The following GPLD1 variants were observed in gnomAD, a reference collection of about 807,000 sequenced individuals.
GPLD1 encodes phosphatidylinositol-glycan-specific phospholipase D.
GPLD1 carries 84 observed loss-of-function variants against 112.6 expected under a neutral mutation model. The ratio of observed to expected loss-of-function variants is 0.75; its 90% CI spans 0.63 to 0.89. The LOEUF is 0.89. Among genes scored for constraint, GPLD1 ranks in the 40% least tolerant of loss-of-function variants. The probability of loss-of-function intolerance (pLI) is 0.00; values close to 1 mark genes in which losing one functional copy is unlikely to be tolerated. For missense variants in GPLD1, 1,044 were observed against 1,051.5 expected, an observed-to-expected ratio of 0.99 and a Z score of 0.10; for synonymous variants, 386 against 403.8, an observed-to-expected ratio of 0.96 and a Z score of 0.53.
At chr6:24,433,289 T>A in intron 23 of GPLD1, 52 bp from the exon 24 acceptor site, 1 of 1,586,602 alleles carries the variant, frequency 6.3e-7, no homozygotes, top group Non-Finnish European at 8.7e-7. Context: ...GTGTAATACT[T>A]TATCCGTTTA....
chr6:24,451,776 A>T (rs528050723), intron 14 of GPLD1, among the ~76,000 whole-genome samples: 1 of 152,212 alleles, frequency 6.6e-6, no homozygotes, highest in East Asian at 1.9e-4. Context: ...AGTGGCATCT[A>T]TAAGTGCTGC....
intron 4 of GPLD1, 74 bp downstream of exon 4, chr6:24,476,107 G>T (rs1308531463): frequency 1.9e-5 from 15 of 784,668 alleles, no homozygotes; most frequent in Middle Eastern, 3.1e-4. Flanking sequence ...TACAAATGGG[G>T]TCAATGCGGG....
chr6:24,441,103 G>A (rs1223981220), intron 20 of GPLD1, among the ~76,000 whole-genome samples: 1 of 151,586 alleles, frequency 6.6e-6, no homozygotes, highest in Non-Finnish European at 1.5e-5. Flanking sequence ...GGGAGTTTGA[G>A]ACCAGCCTGG....
In GPLD1 at chr6:24,467,162, C is replaced by T. The variant is rs751219711; in HGVS notation, c.653+5G>A. On this transcript the variant is annotated splice_donor_5th_base_variant and intron_variant, in intron 8 of 24. Coordinates refer to ENST00000230036, the MANE Select transcript of GPLD1 (RefSeq NM_001503.4). Reference sequence around the variant, plus strand: ...GCTGCAAATTGTCCTCTGAGTTACGCTTACATTTCTAAGAACTGGATATGT... The same window carrying T: ...GCTGCAAATTGTCCTCTGAGTTACGTTTACATTTCTAAGAACTGGATATGT... 2 of 1,493,836 alleles carry T rather than the reference C, an allele frequency of 1.3e-6. No individual in the cohort carries two copies. The highest frequency in any genetic ancestry group is 1.9e-6 in the Non-Finnish European group (2 of 1,070,200). The allele number at this position is 1,493,836 out of a possible 1,614,324, so 92.5% of individuals were successfully genotyped here.
At chr6:24,440,725 A>T (rs1398790957) in intron 20 of GPLD1, among the ~76,000 whole-genome samples, 3 of 15,036 alleles carry the variant, frequency 2.0e-4, no homozygotes, top group African/African-American at 1.9e-3. Flanking sequence ...CCAACTATTA[A>T]AAAAAAAAAA....
rs753545791 is a variant in GPLD1 at position 24,446,972 on chromosome 6, CAG to C, written c.1684_1685del (p.Leu562GlufsTer55). On this transcript the variant is annotated frameshift_variant, in exon 18 of 25. Transcript: ENST00000230036. LOFTEE classifies it high-confidence loss of function. ...SGPSLSDKEK[L>X]NVEAANWTVR... is the part of the protein sequence containing the mutation. ...CCGTCCAGTTGGCTGCCTCCACGTTCAGTTTTTCTAAAGAAGACAACTCATCC... is the reference window on the plus strand; with the variant it reads ...CCGTCCAGTTGGCTGCCTCCACGTTCTTTTTCTAAAGAAGACAACTCATCC... The C allele has an allele frequency of 6.2e-7, 1 of 1,613,298 alleles. No individual in the cohort carries two copies. The highest frequency in any genetic ancestry group is 1.7e-5 in the Admixed American group (1 of 59,918).
intron 14 of GPLD1, 125 bp downstream of exon 14, chr6:24,453,890 G>GTAACAAAC: frequency 3.0e-6 from 2 of 670,260 alleles, no homozygotes; most frequent in Admixed American, 2.6e-5. Context: ...CTTCACAAAT[G>GTAACAAAC]TACACCACCA....
intron 24 of GPLD1, among the ~76,000 whole-genome samples, chr6:24,430,438 A>G (rs1027297359): frequency 1.3e-5 from 2 of 152,104 alleles, no homozygotes; most frequent in African/African-American, 4.8e-5. Flanking sequence ...CTAGACTACA[A>G]GCACCTGGGG....
chr6:24,491,200 C>T (rs1764549289), upstream of GPLD1, among the ~76,000 whole-genome samples: 1 of 152,154 alleles, frequency 6.6e-6, no homozygotes, highest in Admixed American at 6.5e-5. Context: ...CTTCTGGCCA[C>T]CAGAGGCCTT....
At position 24,425,847 on chromosome 6, in the gene GPLD1, CTATT is replaced by C. The variant is rs1762217375; in HGVS notation, c.*3181_*3184del. ...CACTAACCAATTTTATATTAAAAAG[CTATT>C]TATTTTGGTGAGTTATTCCAAGAGT... On this transcript the variant is annotated 3_prime_UTR_variant, in exon 25 of 25. Coordinates refer to ENST00000230036, the MANE Select transcript of GPLD1 (RefSeq NM_001503.4). The C allele has an allele frequency of 6.6e-6, 1 of 152,166 alleles. No individual in the cohort carries two copies. Among genetic ancestry groups the C allele is most frequent in the Non-Finnish European group, 1.5e-5 (1 of 68,020 alleles). The allele number at this position is 152,166 out of a possible 1,614,324, so 9.4% of individuals were successfully genotyped here.
intron 3 of GPLD1, among the ~76,000 whole-genome samples, chr6:24,478,529 C>G (rs571370582): frequency 6.6e-6 from 1 of 152,306 alleles, no homozygotes; most frequent in Admixed American, 6.5e-5. Context: ...CACTCCCCAT[C>G]CTTCTCTACC....
chr6:24,436,230 T>C (rs1345399700), intron 22 of GPLD1, among the ~76,000 whole-genome samples: 4 of 152,318 alleles, frequency 2.6e-5, no homozygotes, highest in Admixed American at 1.3e-4. Flanking sequence ...CACTCCAGCC[T>C]GGGCAATGGA....
At chr6:24,494,930 G>A (rs1477649312) in intron 1 of GPLD1, 1 of 1,260,190 alleles carries the variant, frequency 7.9e-7, no homozygotes, top group African/African-American at 1.5e-5. Flanking sequence ...TTGCTTCCCC[G>A]CGACCCCTGC....
rs777126083 is a variant in GPLD1 at position 24,472,589 on chromosome 6, G to C, written c.538C>G (p.Arg180Gly). 6.3e-7 allele frequency: 1 copy of C among 1,585,146 alleles called. No individual in the cohort carries two copies. The highest frequency in any genetic ancestry group is 8.7e-7 in the Non-Finnish European group (1 of 1,153,686). Residue 180 changes from arginine to glycine, a missense_variant, in exon 7 of 25, where the codon CGA becomes GGA. By Grantham distance (125) the Arg-to-Gly change is moderately radical. Coordinates refer to ENST00000230036, the MANE Select transcript of GPLD1 (RefSeq NM_001503.4). ...GATGTACATTGCTCTTACCAGCGTC[G>C]TGCAAGGTAATTAAAATTAAATTCA... ...QFEFNFNYLA[R>G]RWYVPVKDLL...
At chr6:24,437,048 T>G (rs1388451717) in intron 21 of GPLD1, 65 bp downstream of exon 21, 17 of 1,438,962 alleles carry the variant, frequency 1.2e-5, no homozygotes, top group Non-Finnish European at 1.6e-5. Context: ...GATGACCCAA[T>G]TAGGGGACCC....
At chr6:24,434,095 TAGAA>T (rs945252722) in intron 22 of GPLD1, among the ~76,000 whole-genome samples, 3 of 151,902 alleles carry the variant, frequency 2.0e-5, no homozygotes, top group African/African-American at 7.3e-5. Context: ...TATTGTTAGG[TAGAA>T]AGAAAAATCA....
At chr6:24,483,158 A>G (rs1262472338) in intron 2 of GPLD1, among the ~76,000 whole-genome samples, 1 of 150,928 alleles carries the variant, frequency 6.6e-6, no homozygotes, top group Admixed American at 6.6e-5. Flanking sequence ...TGAAACTTCC[A>G]CTCTACTGAA....
chr6:24,462,694 G>C (rs924455411), intron 11 of GPLD1, 36 bp downstream of exon 11: 2 of 1,414,314 alleles, frequency 1.4e-6, no homozygotes, highest in South Asian at 2.3e-5. Flanking sequence ...CAGGTGAGAT[G>C]TACTTTTTCT....
At chr6:24,451,070 T>C (rs1763063825) in intron 14 of GPLD1, among the ~76,000 whole-genome samples, 1 of 152,266 alleles carries the variant, frequency 6.6e-6, no homozygotes, top group Non-Finnish European at 1.5e-5. Flanking sequence ...CTGTGTTTTA[T>C]GTCTCCCGCA....
Sources: allele counts gnomAD v4.1 joint callset (sites outside exome capture counted in the v4.1 genomes callset), GRCh38; gene constraint gnomAD v4.1.1; transcripts MANE v1.5; gene names NCBI Gene and HGNC (gene_info 2026-07-23, HGNC 2026-07-21).